The following DIAPH2 variants were observed in gnomAD, a reference collection of about 807,000 sequenced individuals.
DIAPH2 encodes protein diaphanous homolog 2.
DIAPH2 carries 35 observed loss-of-function variants against 92.7 expected under a neutral mutation model. The observed-to-expected ratio is 0.38, with a 90% CI of 0.29 to 0.50. DIAPH2 has a LOEUF of 0.50. DIAPH2 is among the 20% of genes least tolerant of loss of function. The pLI is 0.94. For synonymous variants in DIAPH2, 301 were observed against 280.4 expected (o/e 1.07, Z -0.73); for missense variants, 701 against 819.5 (o/e 0.86, Z 1.77).
chrX:97,435,477 A>G (rs187536478), intron 26 of DIAPH2, among the ~76,000 whole-genome samples: 58 of 111,545 alleles, frequency 5.2e-4, no homozygotes, highest in African/African-American at 1.8e-3. Context: ...AGTTAGAGTA[A>G]CCACTCCCAA....
chrX:97,283,380 C>T (rs919058960), intron 23 of DIAPH2, among the ~76,000 whole-genome samples: 32 of 111,515 alleles, frequency 2.9e-4, no homozygotes, highest in Non-Finnish European at 5.8e-4. Flanking sequence ...TACAATAATT[C>T]GCCCAAGCTC....
At position 96,857,819 on chromosome X, in the gene DIAPH2, A is replaced by G. The variant is rs377260038; in HGVS notation, c.448-23760A>G. Among the ~76,000 whole-genome samples the G allele has an allele frequency of 7.1e-5, 8 of 112,588 alleles. No homozygotes were observed. The East Asian group carries it at 2.2e-3, about 31-fold the overall frequency. On this transcript the variant is annotated intron_variant, in intron 4 of 26. Coordinates refer to ENST00000324765, the MANE Select transcript of DIAPH2 (RefSeq NM_006729.5). The stretch of plus-strand genomic sequence containing the variant: ...TTTTCTTTGTTGTTATCTGCCCTGC[A>G]TGTCACACATGGTTGTTACGAGGAT...
intron 24 of DIAPH2, among the ~76,000 whole-genome samples, chrX:97,380,379 G>A (rs2069541172): frequency 9.0e-6 from 1 of 111,590 alleles, no homozygotes; most frequent in African/African-American, 3.3e-5. Flanking sequence ...ACTTGAGAAT[G>A]ATCTTTAAGT....
intron 7 of DIAPH2, among the ~76,000 whole-genome samples, chrX:96,915,649 A>G (rs1277206072): frequency 8.9e-6 from 1 of 111,908 alleles, no homozygotes; most frequent in Admixed American, 9.5e-5. Context: ...AAGCAAAAAT[A>G]TTTTATAAGA....
At chrX:96,708,498 C>T (rs762074104) in intron 1 of DIAPH2, among the ~76,000 whole-genome samples, 11 of 110,710 alleles carry the variant, frequency 9.9e-5, no homozygotes, top group Non-Finnish European at 1.9e-4. Flanking sequence ...CCTCAGTCTC[C>T]CAAAGTGCTG....
At chrX:97,574,262 A>G (rs1314486412) in intron 26 of DIAPH2, among the ~76,000 whole-genome samples, 1 of 112,148 alleles carries the variant, frequency 8.9e-6, no homozygotes, top group Non-Finnish European at 1.9e-5. Flanking sequence ...TACCTTTAAC[A>G]ACTATGAAAT....
chrX:97,292,892 C>G (rs191483944), intron 23 of DIAPH2, among the ~76,000 whole-genome samples: 1 of 111,326 alleles, frequency 9.0e-6, no homozygotes, highest in Non-Finnish European at 1.9e-5. Flanking sequence ...TCTTAATAAA[C>G]TAAATAATAG....
intron 26 of DIAPH2, among the ~76,000 whole-genome samples, chrX:97,556,851 A>T (rs1031284828): frequency 1.2e-4 from 13 of 111,810 alleles, no homozygotes; most frequent in Admixed American, 7.6e-4. Context: ...CGTCATTTAA[A>T]TAGGGGTAGA....
chrX:97,079,801 G>A (rs982992828), intron 19 of DIAPH2, among the ~76,000 whole-genome samples: 1 of 111,523 alleles, frequency 9.0e-6, no homozygotes, highest in Non-Finnish European at 1.9e-5. Context: ...TGGCCAGGAT[G>A]CTATAGTGTA....
intron 4 of DIAPH2, among the ~76,000 whole-genome samples, chrX:96,786,750 T>C (rs1005627637): frequency 8.9e-6 from 1 of 111,963 alleles, no homozygotes; most frequent in African/African-American, 3.2e-5. Flanking sequence ...TTGTTTTGCA[T>C]ACTAGAATCC....
chrX:96,965,183 T>C lies in DIAPH2; in HGVS notation c.2026T>C (p.Leu676=), dbSNP rs372260446. 29 of 1,190,929 alleles carry C rather than the reference T, an allele frequency of 2.4e-5. No individual in the cohort carries two copies. The highest frequency in any genetic ancestry group is 1.1e-4 in the South Asian group (6 of 53,798). ...TCCAGATCTCTTTGCCAAATTGGCATTGAATTTTGCTACTCAGATAAAAGG... is the reference window on the plus strand; with the variant it reads ...TCCAGATCTCTTTGCCAAATTGGCACTGAATTTTGCTACTCAGATAAAAGG... The part of the protein sequence containing the change: ...ENPDLFAKLA[L]NFATQIKVQK... The change falls in exon 17 of 27, where the codon TTG becomes CTG. Residue 676 remains leucine (L), a synonymous_variant. Transcript: ENST00000324765.
intron 26 of DIAPH2, among the ~76,000 whole-genome samples, chrX:97,472,920 A>G (rs895755688): frequency 1.8e-5 from 2 of 111,685 alleles, no homozygotes; most frequent in Non-Finnish European, 3.8e-5. Flanking sequence ...GCTAATTCAC[A>G]TTTCTCTATC....
At chrX:97,057,755 C>T (rs1220833907) in intron 17 of DIAPH2, among the ~76,000 whole-genome samples, 1 of 112,000 alleles carries the variant, frequency 8.9e-6, no homozygotes, top group African/African-American at 3.2e-5. Flanking sequence ...GCTGCTGCTT[C>T]GGTGGCATTT....
chrX:97,108,169 C>A, intron 20 of DIAPH2, among the ~76,000 whole-genome samples: 1 of 110,204 alleles, frequency 9.1e-6, no homozygotes, highest in Non-Finnish European at 1.9e-5. Flanking sequence ...CAATGCACTT[C>A]TTTTATTTTT....
At chrX:97,040,050 T>G (rs2066437827) in intron 17 of DIAPH2, among the ~76,000 whole-genome samples, 2 of 111,329 alleles carry the variant, frequency 1.8e-5, no homozygotes, top group South Asian at 7.5e-4. Context: ...ACTCTGTATG[T>G]GGGAATATAA....
chrX:96,724,521 A>G (rs1489990515), intron 1 of DIAPH2, among the ~76,000 whole-genome samples: 1 of 111,822 alleles, frequency 8.9e-6, no homozygotes, highest in Non-Finnish European at 1.9e-5. Context: ...CTGGAGTCTT[A>G]TGTGCAGAAA....
chrX:97,552,983 GGAC>G (rs2071231458), intron 26 of DIAPH2, among the ~76,000 whole-genome samples: 1 of 111,392 alleles, frequency 9.0e-6, no homozygotes, highest in Non-Finnish European at 1.9e-5. Flanking sequence ...TGTGTACTAA[GGAC>G]ACCAGTCAGA....
chrX:97,278,353 T>G (rs2068469053), intron 23 of DIAPH2, among the ~76,000 whole-genome samples: 1 of 111,501 alleles, frequency 9.0e-6, no homozygotes, highest in Non-Finnish European at 1.9e-5. Context: ...AGACTATAGT[T>G]TATATTTGGG....
At chrX:96,939,674 T>TAAAAGGTGTTCA (rs1191764687) in intron 12 of DIAPH2, among the ~76,000 whole-genome samples, 2 of 58,345 alleles carry the variant, frequency 3.4e-5, no homozygotes, top group Middle Eastern at 9.3e-3. Context: ...TAACATTTTT[T>TAAAAGGTGTTCA]TTTTTTTTGA....
Sources: gnomAD v4.1 joint callset for allele counts (sites outside exome capture counted in the v4.1 genomes callset) on GRCh38, gnomAD v4.1.1 for gene constraint, MANE v1.5 for transcripts, NCBI Gene and HGNC (gene_info 2026-07-23, HGNC 2026-07-21) for gene names.